MAPKAP1: variants seen among roughly 807,000 people sequenced by gnomAD.
MAPKAP1 encodes target of rapamycin complex 2 subunit MAPKAP1.
MAPKAP1 carries 20 observed loss-of-function variants against 65.7 expected under a neutral mutation model. The observed-to-expected ratio is 0.30, with a 90% CI of 0.21 to 0.44. MAPKAP1 has a LOEUF of 0.44. Ranked by LOEUF, MAPKAP1 falls within the 20% of genes least tolerant of loss-of-function variation. The probability of loss-of-function intolerance (pLI) is 1.00; values close to 1 mark genes in which losing one functional copy is unlikely to be tolerated. For missense variants in MAPKAP1, 423 were observed against 648.0 expected (o/e 0.65, Z 3.77); for synonymous variants, 222 against 244.3 (o/e 0.91, Z 0.85).
intron 10 of MAPKAP1, among the ~76,000 whole-genome samples, chr9:125,445,816 C>T (rs949567548): frequency 6.6e-6 from 1 of 152,244 alleles, no homozygotes; most frequent in Non-Finnish European, 1.5e-5. Context: ...CTTCTTTCGC[C>T]TTAAGCTACT....
At chr9:125,639,723 C>T (rs1325935854) in intron 4 of MAPKAP1, among the ~76,000 whole-genome samples, 1 of 152,112 alleles carries the variant, frequency 6.6e-6, no homozygotes, top group Non-Finnish European at 1.5e-5. Flanking sequence ...TCTGAGTTGG[C>T]TCTTAAGAGA....
At chr9:125,477,377 G>T (rs1854148290) in intron 9 of MAPKAP1, among the ~76,000 whole-genome samples, 1 of 152,196 alleles carries the variant, frequency 6.6e-6, no homozygotes, top group Non-Finnish European at 1.5e-5. Context: ...AGGTTGACCT[G>T]CCCAGTCAGT....
chr9:125,440,562 AC>A (rs1370874512), intron 11 of MAPKAP1, among the ~76,000 whole-genome samples: 1 of 152,010 alleles, frequency 6.6e-6, no homozygotes, highest in East Asian at 1.9e-4. Context: ...GCTTCTGCTG[AC>A]TCCGAGAAGG....
At chr9:125,695,751 G>A (rs185898869) in intron 1 of MAPKAP1, among the ~76,000 whole-genome samples, 8 of 150,288 alleles carry the variant, frequency 5.3e-5, no homozygotes, top group South Asian at 2.1e-4. Context: ...TTTTTGAGAC[G>A]GAGTTTCACC....
intron 4 of MAPKAP1, among the ~76,000 whole-genome samples, chr9:125,603,080 T>G (rs1832348608): frequency 7.0e-6 from 1 of 142,692 alleles, no homozygotes; most frequent in Admixed American, 6.9e-5. Flanking sequence ...CTTTCTTTCT[T>G]TTTTTTTTAT....
At position 125,514,311 on chromosome 9, in the gene MAPKAP1, C is replaced by T. The variant is rs185455178; in HGVS notation, c.959-7894G>A. ...TACCTTGGTAGGAACACTCATTGGGCTCTTCTATAATTTACCAGCTCAAGC... is the reference window on the plus strand; with the variant it reads ...TACCTTGGTAGGAACACTCATTGGGTTCTTCTATAATTTACCAGCTCAAGC... On this transcript the variant is annotated intron_variant, in intron 7 of 11. Transcript: ENST00000265960. Among the ~76,000 whole-genome samples, 1,107 of 152,258 alleles carry T rather than the reference C, an allele frequency of 7.3e-3. 5 individuals are homozygous for T. Among genetic ancestry groups the T allele is most frequent in the Non-Finnish European group, 0.011 (765 of 68,010 alleles).
rs149603024 is a variant in MAPKAP1 at position 125,515,890 on chromosome 9, C to A, written c.959-9473G>T. 4.1e-3 allele frequency among the ~76,000 whole-genome samples: 622 copies of A among 152,196 alleles called. 3 individuals are homozygous for A. Among genetic ancestry groups the A allele is most frequent in the Non-Finnish European group, 6.7e-3 (456 of 67,994 alleles). On this transcript the variant is annotated intron_variant, in intron 7 of 11. Coordinates refer to ENST00000265960, the MANE Select transcript of MAPKAP1 (RefSeq NM_001006617.3). The stretch of plus-strand genomic sequence containing the variant: ...AGCCCCAAAACTGTGAAGGGAAGGC[C>A]GCTTCTGTGGGCTGAGTAGATGGCA...
intron 1 of MAPKAP1, among the ~76,000 whole-genome samples, chr9:125,702,051 C>T (rs187020196): frequency 8.5e-4 from 130 of 152,296 alleles, no homozygotes; most frequent in Non-Finnish European, 1.7e-3. Flanking sequence ...ACACTCAGCC[C>T]ACAAATATGT....
At chr9:125,479,252 T>C (rs978568917) in intron 9 of MAPKAP1, among the ~76,000 whole-genome samples, 41 of 152,346 alleles carry the variant, frequency 2.7e-4, no homozygotes, top group African/African-American at 9.1e-4. Context: ...AGCTGTGTCA[T>C]ATGTTTCATT....
At chr9:125,471,026 C>A (rs940414951) in intron 9 of MAPKAP1, 3 of 152,152 alleles carry the variant, frequency 2.0e-5, no homozygotes, top group Non-Finnish European at 2.9e-5. Flanking sequence ...TTTAAAGAAA[C>A]CTGTAGGGGA....
chr9:125,502,492 A>C (rs1829013797), intron 8 of MAPKAP1, among the ~76,000 whole-genome samples: 1 of 152,112 alleles, frequency 6.6e-6, no homozygotes, highest in Non-Finnish European at 1.5e-5. Flanking sequence ...TTAATGTCAA[A>C]TTTTCATTAT....
intron 1 of MAPKAP1, among the ~76,000 whole-genome samples, chr9:125,679,611 T>TTAGTGATA (rs1834762007): frequency 6.6e-6 from 1 of 152,214 alleles, no homozygotes; most frequent in African/African-American, 2.4e-5. Context: ...TAAGGAATAT[T>TTAGTGATA]TTTTAAAATC....
intron 4 of MAPKAP1, among the ~76,000 whole-genome samples, chr9:125,650,020 G>C (rs931572274): frequency 6.6e-6 from 1 of 152,024 alleles, no homozygotes; most frequent in Non-Finnish European, 1.5e-5. Context: ...CCACAAGCCG[G>C]ACACGGACCA....
chr9:125,549,621 C>T (rs919460424), intron 6 of MAPKAP1, among the ~76,000 whole-genome samples: 2 of 152,154 alleles, frequency 1.3e-5, no homozygotes, highest in African/African-American at 4.8e-5. Context: ...ACATAACTCG[C>T]TAGACTAATG....
rs146642025 is a variant in MAPKAP1 at position 125,618,719 on chromosome 9, AAAC to A, written c.499-32995_499-32993del. Among the ~76,000 whole-genome samples, 1,908 of 152,304 alleles carry A rather than the reference AAAC, an allele frequency of 0.013. 111 individuals carry two copies. The East Asian group carries it at 0.2, about 16-fold the overall frequency. ...TCAAATATGTTTTTCAATTATGATA[AAAC>A]AACAACAAACAAACAGCTATTTAAT... On this transcript the variant is annotated intron_variant, in intron 4 of 11. Coordinates refer to ENST00000265960, the MANE Select transcript of MAPKAP1 (RefSeq NM_001006617.3).
At chr9:125,658,765 C>T (rs920921750) in intron 3 of MAPKAP1, among the ~76,000 whole-genome samples, 3 of 152,180 alleles carry the variant, frequency 2.0e-5, no homozygotes, top group Admixed American at 6.5e-5. Flanking sequence ...ATTGGAATAT[C>T]AATCAAGGTG....
chr9:125,483,794 G>A (rs1211650989), intron 9 of MAPKAP1, among the ~76,000 whole-genome samples: 2 of 152,084 alleles, frequency 1.3e-5, no homozygotes, highest in Non-Finnish European at 2.9e-5. Flanking sequence ...CACCTTTTAG[G>A]TAGTTAAGTA....
At chr9:125,512,411 C>T (rs997695672) in intron 7 of MAPKAP1, among the ~76,000 whole-genome samples, 6 of 152,160 alleles carry the variant, frequency 3.9e-5, no homozygotes, top group Admixed American at 3.9e-4. Context: ...CCTATCATGT[C>T]CCTTTCTCCT....
At chr9:125,463,096 C>G (rs909034180) in intron 10 of MAPKAP1, among the ~76,000 whole-genome samples, 1 of 152,220 alleles carries the variant, frequency 6.6e-6, no homozygotes, top group African/African-American at 2.4e-5. Flanking sequence ...AATCTTCTTG[C>G]CATCTTCTTT....
Sources: allele counts gnomAD v4.1 joint callset (sites outside exome capture counted in the v4.1 genomes callset), GRCh38; gene constraint gnomAD v4.1.1; transcripts MANE v1.5; gene names NCBI Gene and HGNC (gene_info 2026-07-23, HGNC 2026-07-21).